PTK2: variants seen among roughly 807,000 people sequenced by gnomAD.
PTK2 encodes the protein focal adhesion kinase 1.
PTK2 carries 45 observed loss-of-function variants against 150.1 expected under a neutral mutation model. The ratio of observed to expected loss-of-function variants is 0.30; its 90% confidence interval spans 0.24 to 0.38. PTK2 has a LOEUF of 0.38. Ranked by LOEUF, PTK2 falls within the 10% of genes least tolerant of loss-of-function variation. PTK2 has a pLI of 1.00. For missense variants in PTK2, 919 were observed against 1,307.3 expected (o/e 0.70, Z 4.58); for synonymous variants, 432 against 449.2 (o/e 0.96, Z 0.48).
intron 12 of PTK2, chr8:140,799,425 G>C (rs185066700): frequency 4.6e-5 from 7 of 152,542 alleles, no homozygotes; most frequent in Middle Eastern, 3.4e-3. Context: ...AATCATCCTA[G>C]TCACTGAGGT....
Position 140,952,032 on chromosome 8 carries a change from G to A in PTK2, c.-121-26283C>T, listed in dbSNP as rs539463671. Among the ~76,000 whole-genome samples, 7 of 151,744 alleles carry A rather than the reference G, an allele frequency of 4.6e-5. No individual in the cohort carries two copies. The South Asian group carries it at 1.5e-3, about 32-fold the overall frequency. On this transcript the variant is annotated intron_variant, in intron 1 of 31. Transcript: ENST00000522684. ...ACATTACACTAAGAATGTAAGTTTTGTATTTCTGCTATGGAACTGTCTTGT... is the reference window on the plus strand; with the variant it reads ...ACATTACACTAAGAATGTAAGTTTTATATTTCTGCTATGGAACTGTCTTGT...
At chr8:140,749,707 A>T (rs985447305) in intron 17 of PTK2, among the ~76,000 whole-genome samples, 1 of 152,220 alleles carries the variant, frequency 6.6e-6, no homozygotes, top group Non-Finnish European at 1.5e-5. Flanking sequence ...TTTAAAGAAA[A>T]AGTTTAACAA....
At chr8:140,981,644 C>A (rs781364357) in intron 1 of PTK2, among the ~76,000 whole-genome samples, 6 of 152,208 alleles carry the variant, frequency 3.9e-5, no homozygotes, top group Non-Finnish European at 7.3e-5. Flanking sequence ...CAATGTTTCA[C>A]GGCATGTGAA....
At chr8:140,715,253 A>G (rs1359742671) in intron 23 of PTK2, among the ~76,000 whole-genome samples, 1 of 129,704 alleles carries the variant, frequency 7.7e-6, no homozygotes, top group Non-Finnish European at 1.5e-5. Context: ...GCTCACTGCA[A>G]TCTCTGCCTC....
chr8:140,762,416 T>C lies in PTK2; in HGVS notation c.1235-1154A>G, dbSNP rs548832893. On this transcript the variant is annotated intron_variant, in intron 15 of 31. Transcript: ENST00000522684. ...GTATTGCAATTAAGAGAGAAAAAAATTGAAGACCTTGCTTAGAAATAACTA... is the reference window on the plus strand; with the variant it reads ...GTATTGCAATTAAGAGAGAAAAAAACTGAAGACCTTGCTTAGAAATAACTA... 4 of 1,117,888 alleles carry C rather than the reference T, an allele frequency of 3.6e-6. No individual in the cohort carries two copies. The African/African-American group carries it at 5.1e-5, about 14-fold the overall frequency. 69.2% of individuals were successfully genotyped at this position (1,117,888 alleles called of 1,614,324 possible). A position where few individuals can be genotyped will look rare whatever the true frequency, so the allele number is the denominator to read the frequency against.
chr8:140,747,139 C>G, intron 17 of PTK2: 1 of 254,524 alleles, frequency 3.9e-6, no homozygotes, highest in Non-Finnish European at 7.5e-6. Context: ...ATCTACCCGC[C>G]TTGGCCTCCC....
At position 140,700,727 on chromosome 8, in the gene PTK2, C is replaced by T. The variant is rs1308341466; in HGVS notation, c.2499+164G>A. On this transcript the variant is annotated intron_variant, in intron 26 of 31. Transcript: ENST00000522684. ...CTGACCTCAGGTGATCTGCTTGCCTCAGCCTCCCAAATAGGCCACCATGCC... is the reference window on the plus strand; with the variant it reads ...CTGACCTCAGGTGATCTGCTTGCCTTAGCCTCCCAAATAGGCCACCATGCC... 8 of 793,476 alleles carry T rather than the reference C, an allele frequency of 1.0e-5. No individual in the cohort carries two copies. The African/African-American group carries it at 1.4e-4, about 14-fold the overall frequency. 49.2% of individuals were successfully genotyped at this position (793,476 alleles called of 1,614,324 possible).
At chr8:140,783,110 G>A (rs150725036) in intron 14 of PTK2, among the ~76,000 whole-genome samples, 8 of 151,910 alleles carry the variant, frequency 5.3e-5, no homozygotes, top group East Asian at 1.9e-4. Flanking sequence ...GCATGGTGGC[G>A]CACACCTGTA....
intron 10 of PTK2, among the ~76,000 whole-genome samples, chr8:140,812,477 C>T (rs776068867): frequency 1.3e-5 from 2 of 152,272 alleles, no homozygotes; most frequent in Non-Finnish European, 2.9e-5. Context: ...AGCAAACACA[C>T]AAACAAGTTT....
chr8:140,760,657 A>C (rs1162677199), intron 16 of PTK2, among the ~76,000 whole-genome samples: 2 of 152,218 alleles, frequency 1.3e-5, no homozygotes, highest in Non-Finnish European at 2.9e-5. Context: ...GACAGTGGTG[A>C]TAGCTGCACA....
chr8:140,687,542 C>T (rs949852890), intron 26 of PTK2, among the ~76,000 whole-genome samples: 2 of 152,156 alleles, frequency 1.3e-5, no homozygotes, highest in African/African-American at 2.4e-5. Context: ...ATGTCTGATT[C>T]GTCTGTGTAT....
intron 23 of PTK2, among the ~76,000 whole-genome samples, chr8:140,714,333 G>GAA (rs1208249876): frequency 1.3e-5 from 2 of 151,974 alleles, no homozygotes; most frequent in Admixed American, 6.6e-5. Context: ...TTTATCTACA[G>GAA]AAGCCTGAGA....
At chr8:140,805,954 A>C (rs1355079630) in intron 10 of PTK2, among the ~76,000 whole-genome samples, 1 of 152,112 alleles carries the variant, frequency 6.6e-6, no homozygotes, top group Non-Finnish European at 1.5e-5. Context: ...TGCCTCTCTG[A>C]CCTAATTTAC....
At chr8:140,778,922 A>G (rs961274194) in intron 14 of PTK2, among the ~76,000 whole-genome samples, 2 of 142,664 alleles carry the variant, frequency 1.4e-5, no homozygotes, top group Non-Finnish European at 1.6e-5. Context: ...TGTAGGTCTC[A>G]CAGGAAAGAG....
intron 18 of PTK2, among the ~76,000 whole-genome samples, chr8:140,745,820 T>C (rs2100058354): frequency 6.6e-6 from 1 of 151,900 alleles, no homozygotes; most frequent in Non-Finnish European, 1.5e-5. Context: ...GCCAACATGG[T>C]GAAACCCTGT....
At chr8:140,767,810 CT>C (rs1421820828) in intron 14 of PTK2, among the ~76,000 whole-genome samples, 1 of 152,066 alleles carries the variant, frequency 6.6e-6, no homozygotes, top group African/African-American at 2.4e-5. Context: ...CTGTATTTTG[CT>C]TTTCTTTCCT....
intron 16 of PTK2, among the ~76,000 whole-genome samples, chr8:140,759,296 T>C (rs981672613): frequency 3.0e-4 from 46 of 152,046 alleles, no homozygotes; most frequent in African/African-American, 1.1e-3. Context: ...TACAGCTGTG[T>C]TGGAAATCAT....
At chr8:140,667,008 A>C (rs1336766334) in intron 30 of PTK2, among the ~76,000 whole-genome samples, 1 of 152,216 alleles carries the variant, frequency 6.6e-6, no homozygotes, top group Admixed American at 6.5e-5. Flanking sequence ...AGTGAAATAA[A>C]TCCATCACAA....
At chr8:140,894,072 C>G (rs2100155139) in intron 2 of PTK2, among the ~76,000 whole-genome samples, 1 of 152,186 alleles carries the variant, frequency 6.6e-6, no homozygotes, top group Non-Finnish European at 1.5e-5. Flanking sequence ...TGATACCATA[C>G]TCCCCCCAAT....
Sources: allele counts gnomAD v4.1 joint callset (sites outside exome capture counted in the v4.1 genomes callset), GRCh38; gene constraint gnomAD v4.1.1; transcripts MANE v1.5; gene names NCBI Gene and HGNC (gene_info 2026-07-23, HGNC 2026-07-21).